SPATA16: variants seen among roughly 807,000 people sequenced by gnomAD.
The protein encoded by SPATA16 is spermatogenesis-associated protein 16.
A neutral mutation model predicts 63.3 loss-of-function variants in SPATA16; 36 were observed. The ratio of observed to expected loss-of-function variants is 0.57; its 90% CI spans 0.44 to 0.75. SPATA16 has a LOEUF of 0.75. Ranked by LOEUF, SPATA16 falls within the 30% of genes least tolerant of loss-of-function variation. SPATA16 has a pLI of 0.00. For synonymous variants in SPATA16, 203 were observed against 216.7 expected (o/e 0.94, Z 0.56); for missense variants, 646 against 679.3 (o/e 0.95, Z 0.54).
At chr3:173,004,786 A>T (rs1036028870) in intron 4 of SPATA16, among the ~76,000 whole-genome samples, 1 of 152,196 alleles carries the variant, frequency 6.6e-6, no homozygotes, top group Non-Finnish European at 1.5e-5. Flanking sequence ...CTCTATATAA[A>T]TTGTCTCATT....
intron 2 of SPATA16, among the ~76,000 whole-genome samples, chr3:173,104,120 T>A (rs1737565100): frequency 6.6e-6 from 1 of 152,182 alleles, no homozygotes; most frequent in Non-Finnish European, 1.5e-5. Context: ...CCCAAAAAGT[T>A]CCTCATTTCC....
At chr3:172,902,907 C>G (rs1035920206) in intron 10 of SPATA16, among the ~76,000 whole-genome samples, 3 of 152,146 alleles carry the variant, frequency 2.0e-5, no homozygotes, top group African/African-American at 7.2e-5. Context: ...CCATGTCTTC[C>G]TTTAGAGCTG....
chr3:173,093,195 A>G (rs1324491834), intron 2 of SPATA16, among the ~76,000 whole-genome samples: 1 of 152,054 alleles, frequency 6.6e-6, no homozygotes, highest in Non-Finnish European at 1.5e-5. Flanking sequence ...AATGTTCTTT[A>G]AATGAAATGG....
chr3:172,920,080 T>C (rs1225069462), intron 8 of SPATA16, among the ~76,000 whole-genome samples: 1 of 152,238 alleles, frequency 6.6e-6, no homozygotes, highest in Non-Finnish European at 1.5e-5. Context: ...GCAAGGATCA[T>C]AACTTTAAAT....
At chr3:173,028,302 T>G (rs1046085058) in intron 3 of SPATA16, among the ~76,000 whole-genome samples, 4 of 151,678 alleles carry the variant, frequency 2.6e-5, no homozygotes, top group African/African-American at 9.7e-5. Context: ...CATGATAACT[T>G]TATGGATAAG....
chr3:172,957,127 A>G (rs1166828873), intron 5 of SPATA16, among the ~76,000 whole-genome samples: 1 of 152,190 alleles, frequency 6.6e-6, no homozygotes, highest in African/African-American at 2.4e-5. Context: ...TGATTTTAAA[A>G]GTCAAATTCT....
intron 5 of SPATA16, among the ~76,000 whole-genome samples, chr3:172,958,046 C>G (rs560006782): frequency 6.6e-6 from 1 of 152,154 alleles, no homozygotes; most frequent in Non-Finnish European, 1.5e-5. Flanking sequence ...TGAAATTCAA[C>G]AAACTATTGG....
At chr3:172,915,741 T>C (rs1732468743) in intron 9 of SPATA16, among the ~76,000 whole-genome samples, 1 of 152,214 alleles carries the variant, frequency 6.6e-6, no homozygotes. Flanking sequence ...CTAAAGTGTC[T>C]GGTTTTCTGA....
chr3:173,031,213 G>A lies in SPATA16; in HGVS notation c.759-11638C>T, dbSNP rs146784745. 5.3e-5 allele frequency among the ~76,000 whole-genome samples: 8 copies of A among 151,030 alleles called. No individual in the cohort carries two copies. The South Asian group carries it at 8.4e-4, about 16-fold the overall frequency. ...TGTACACTTAACACTGGGTAAGATC[G>A]TACATTTTATGTTATGTATATTTTA... is the stretch of plus-strand genomic sequence containing the variant. On this transcript the variant is annotated intron_variant, in intron 3 of 10. Coordinates refer to ENST00000351008, the MANE Select transcript of SPATA16 (RefSeq NM_031955.6).
chr3:173,056,970 A>G (rs893202476), intron 2 of SPATA16, among the ~76,000 whole-genome samples: 2 of 151,582 alleles, frequency 1.3e-5, no homozygotes, highest in African/African-American at 4.8e-5. Flanking sequence ...CATATGTTCT[A>G]TTTTCATGTA....
In SPATA16 at chr3:172,904,528, C is replaced by A. The variant is rs1732193714; in HGVS notation, c.1587+9133G>T. Among the ~76,000 whole-genome samples, 9 of 152,254 alleles carry A rather than the reference C, an allele frequency of 5.9e-5. No individual in the cohort carries two copies. The South Asian group carries it at 1.7e-3, about 28-fold the overall frequency. ...CTGCAGAGGTTTCCTGCCAAATCATCAAAGTTTTAGAAGACAGTATTTTCA... is the reference window on the plus strand; with the variant it reads ...CTGCAGAGGTTTCCTGCCAAATCATAAAAGTTTTAGAAGACAGTATTTTCA... On this transcript the variant is annotated intron_variant, in intron 10 of 10. Transcript: ENST00000351008.
intron 6 of SPATA16, among the ~76,000 whole-genome samples, chr3:172,933,900 T>G (rs1043323688): frequency 1.3e-5 from 2 of 152,190 alleles, no homozygotes; most frequent in Non-Finnish European, 2.9e-5. Context: ...ACTGTCATGT[T>G]GAATTTCTAG....
chr3:172,913,507 A>G (rs1187342071), intron 10 of SPATA16, among the ~76,000 whole-genome samples, 154 bp downstream of exon 10: 2 of 152,212 alleles, frequency 1.3e-5, no homozygotes, highest in Non-Finnish European at 2.9e-5. Context: ...TTTTGGTCAC[A>G]CTTCCAGGGA....
intron 4 of SPATA16, among the ~76,000 whole-genome samples, chr3:172,990,885 A>G (rs1385811378): frequency 1.3e-5 from 2 of 152,164 alleles, no homozygotes; most frequent in Non-Finnish European, 2.9e-5. Context: ...CAATGAAATC[A>G]TCTAGTCCAA....
chr3:173,051,081 G>A (rs1200758201), intron 2 of SPATA16, among the ~76,000 whole-genome samples: 1 of 152,018 alleles, frequency 6.6e-6, no homozygotes, highest in African/African-American at 2.4e-5. Context: ...TTCCACAAAA[G>A]GAAGATTTTT....
chr3:172,941,799 A>G (rs769606677), intron 6 of SPATA16, among the ~76,000 whole-genome samples: 57 of 152,282 alleles, frequency 3.7e-4, no homozygotes, highest in Admixed American at 1.6e-3. Context: ...ATTTATGACC[A>G]TAATAATTAA....
chr3:172,926,933 TATC>T (rs1368293424), intron 6 of SPATA16, among the ~76,000 whole-genome samples: 1 of 152,240 alleles, frequency 6.6e-6, no homozygotes, highest in Non-Finnish European at 1.5e-5. Context: ...AAATCCCAAA[TATC>T]ATTGAATGAT....
intron 2 of SPATA16, among the ~76,000 whole-genome samples, chr3:173,114,603 G>A (rs1206848415): frequency 1.3e-5 from 2 of 152,174 alleles, no homozygotes; most frequent in Non-Finnish European, 2.9e-5. Flanking sequence ...TTATGTATGA[G>A]AGAAATAAAC....
chr3:172,938,008 T>C (rs1733049558), intron 6 of SPATA16, among the ~76,000 whole-genome samples: 1 of 152,060 alleles, frequency 6.6e-6, no homozygotes, highest in Non-Finnish European at 1.5e-5. Context: ...AAGTGGGAAA[T>C]CTCAGATGAA....
Sources: allele counts gnomAD v4.1 joint callset (sites outside exome capture counted in the v4.1 genomes callset), GRCh38; gene constraint gnomAD v4.1.1; transcripts MANE v1.5; gene names NCBI Gene and HGNC (gene_info 2026-07-23, HGNC 2026-07-21).